The following EPHB6 variants were observed in gnomAD, a reference collection of about 807,000 sequenced individuals.
The protein encoded by EPHB6 is EPH receptor B6.
A neutral mutation model predicts 107.0 loss-of-function variants in EPHB6; 51 were observed. The ratio of observed to expected loss-of-function variants is 0.48; its 90% CI spans 0.38 to 0.60. EPHB6 has a LOEUF of 0.60. Among genes scored for constraint, EPHB6 ranks in the 20% least tolerant of loss-of-function variants. The pLI, the probability that EPHB6 is intolerant of heterozygous loss-of-function variation, is 0.00. For missense variants in EPHB6, 1,141 were observed against 1,355.5 expected (o/e 0.84, Z 2.48); for synonymous variants, 553 against 549.0 (o/e 1.01, Z -0.10).
rs1316857320 is a variant in EPHB6, at chr7:142,864,427, C to T, written c.627C>T (p.Gly209=). Residue 209 remains glycine, a synonymous_variant, in exon 7 of 20, where the codon GGC becomes GGT. Transcript: ENST00000652003. ...ERSFGPLTQR[G]FYVAFQDTGA... Reference sequence around the variant, plus strand: ...GCTTTGGGCCTCTCACCCAACGCGGCTTCTACGTGGCCTTCCAGGACACGG... The same window carrying T: ...GCTTTGGGCCTCTCACCCAACGCGGTTTCTACGTGGCCTTCCAGGACACGG... 1 of 1,612,088 alleles carries T rather than the reference C, an allele frequency of 6.2e-7. No individual in the cohort carries two copies. Among genetic ancestry groups the T allele is most frequent in the Admixed American group, 1.7e-5 (1 of 59,986 alleles).
At position 142,858,688 on chromosome 7, in the gene EPHB6, C is replaced by T. The variant is rs182764720; in HGVS notation, c.-431-2364C>T. Among the ~76,000 whole-genome samples the T allele has an allele frequency of 2.8e-4, 43 of 150,934 alleles. No individual in the cohort carries two copies. In the East Asian group the frequency reaches 7.0e-3, roughly 25 times the overall value. On this transcript the variant is annotated intron_variant, in intron 1 of 19. Transcript: ENST00000652003. Reference sequence around the variant, plus strand: ...GTCTCGATCTCCTGATCTTGTGATCCGCCCACCTTGGCCTCCCAAAGTGAA... The same window carrying T: ...GTCTCGATCTCCTGATCTTGTGATCTGCCCACCTTGGCCTCCCAAAGTGAA...
chr7:142,867,911 A>C lies in EPHB6; in HGVS notation c.1866-86A>C. 6.5e-7 allele frequency: 1 copy of C among 1,535,892 alleles called. No homozygotes were observed. The highest frequency in any genetic ancestry group is 8.8e-7 in the Non-Finnish European group (1 of 1,134,888). ...GCTGTCGTCCCCCCTCCACAGACCG[A>C]CTAAAGAGCAGTCTGGAGGGTGACA... On this transcript the variant is annotated intron_variant, in intron 12 of 19. Transcript: ENST00000652003. This position sits in a 1 kb window ranked among gnomAD's most constrained non-coding sequence, Gnocchi z 5.3.
intron 7 of EPHB6, 56 bp from the exon 8 acceptor site, chr7:142,865,419 C>T (rs2116433902): frequency 6.2e-7 from 1 of 1,608,788 alleles, no homozygotes; most frequent in Non-Finnish European, 8.5e-7. Flanking sequence ...GTGTTGGGAG[C>T]TCAGGGTGGG....
chr7:142,867,593 C>G lies in EPHB6; in HGVS notation c.1751-15C>G. 6.2e-7 allele frequency: 1 copy of G among 1,602,782 alleles called. No individual in the cohort carries two copies. Among genetic ancestry groups the G allele is most frequent in the Admixed American group, 1.7e-5 (1 of 59,084 alleles). On this transcript the variant is annotated splice_polypyrimidine_tract_variant and intron_variant, in intron 11 of 19. Transcript: ENST00000652003. This position sits in a 1 kb window ranked among gnomAD's most constrained non-coding sequence, Gnocchi z 5.3. Reference sequence around the variant, plus strand: ...AGACCTGGCCCACCTGTGACCCTGTCGGCTGGTCCCCCAGGGGAGCTGTCT... The same window carrying G: ...AGACCTGGCCCACCTGTGACCCTGTGGGCTGGTCCCCCAGGGGAGCTGTCT...
At position 142,867,142 on chromosome 7, in the gene EPHB6, C is replaced by T. The variant is rs550073670; in HGVS notation, c.1750+74C>T. ...AGTGAGGAGAGGCCCAGGGACTGTC[C>T]GGCCTTGAACCCTGGCCCCGTGCTT... On this transcript the variant is annotated intron_variant, in intron 11 of 19. Transcript: ENST00000652003. The surrounding 1 kb of genome is among the most constrained non-coding windows in gnomAD (Gnocchi z 5.3). 171 of 1,543,582 alleles carry T rather than the reference C, an allele frequency of 1.1e-4. 1 individual carries two copies. Among genetic ancestry groups the T allele is most frequent in the Non-Finnish European group, 1.4e-4 (156 of 1,144,062 alleles).
In EPHB6 at chr7:142,869,863, A is replaced by G. The variant is rs766835497; in HGVS notation, c.2507A>G (p.His836Arg). 6 of 1,614,116 alleles carry G rather than the reference A, an allele frequency of 3.7e-6. No individual in the cohort carries two copies. The highest frequency in any genetic ancestry group is 2.2e-5 in the East Asian group (1 of 44,892). ...TGGGCAGCCCCAGAGGTCATTGCAC[A>G]TGGAAAGCATACAACATCCAGTGAT... ...LRWAAPEVIAHGKHTTSSDVW... is the reference protein window; with the variant it reads ...LRWAAPEVIARGKHTTSSDVW... The change falls in exon 17 of 20, where the codon CAT (histidine) becomes CGT (arginine). Residue 836 changes from histidine to arginine, a missense_variant. By Grantham distance (29) the His-to-Arg change is conservative. Transcript: ENST00000652003. The surrounding 1 kb of genome is among the most constrained non-coding windows in gnomAD (Gnocchi z 4.5).
chr7:142,865,645 C>T lies in EPHB6; in HGVS notation c.1105+15C>T, dbSNP rs1232741607. On this transcript the variant is annotated intron_variant, in intron 8 of 19. Coordinates refer to ENST00000652003, the MANE Select transcript of EPHB6 (RefSeq NM_004445.6). Reference sequence around the variant, plus strand: ...CCCCTGCACTGGTGAGTTCCTCACCCAGCCCTGCAATGGGAAAGAGACTTG... The same window carrying T: ...CCCCTGCACTGGTGAGTTCCTCACCTAGCCCTGCAATGGGAAAGAGACTTG... The T allele has an allele frequency of 6.2e-7, 1 of 1,612,318 alleles. No individual in the cohort carries two copies. The highest frequency in any genetic ancestry group is 1.1e-5 in the South Asian group (1 of 90,894).
chr7:142,862,350 T>C (rs926637753), intron 3 of EPHB6, among the ~76,000 whole-genome samples: 6 of 152,226 alleles, frequency 3.9e-5, no homozygotes, highest in African/African-American at 1.4e-4. Context: ...TTCCTTTCAA[T>C]GTGAGCAAAC....
At position 142,869,721 on chromosome 7, in the gene EPHB6, T is replaced by C. The variant is rs1794806754; in HGVS notation, c.2461-96T>C. The C allele has an allele frequency of 7.2e-7, 1 of 1,391,678 alleles. No homozygotes were observed. Among genetic ancestry groups the C allele is most frequent in the Non-Finnish European group, 1.0e-6 (1 of 997,014 alleles). 86.2% of individuals were successfully genotyped at this position (1,391,678 alleles called of 1,614,324 possible). On this transcript the variant is annotated intron_variant, in intron 16 of 19. Coordinates refer to ENST00000652003, the MANE Select transcript of EPHB6 (RefSeq NM_004445.6). The surrounding 1 kb of genome is among the most constrained non-coding windows in gnomAD (Gnocchi z 4.5). ...TATGAGGATTAAATGAGATGCTTGA[T>C]GTAAAACCCTTGGCATATCTGAGCA...
rs1314377729 is a variant in EPHB6, at chr7:142,867,975, C to T, written c.1866-22C>T. On this transcript the variant is annotated intron_variant, in intron 12 of 19. Coordinates refer to ENST00000652003, the MANE Select transcript of EPHB6 (RefSeq NM_004445.6). This position sits in a 1 kb window ranked among gnomAD's most constrained non-coding sequence, Gnocchi z 5.3. Reference sequence around the variant, plus strand: ...GGGGTGGAAATGGGAGCGTCATCCCCAGTCACCGTTTTGTTCCTCAGGAAG... The same window carrying T: ...GGGGTGGAAATGGGAGCGTCATCCCTAGTCACCGTTTTGTTCCTCAGGAAG... 6.4e-7 allele frequency: 1 copy of T among 1,562,462 alleles called. No homozygotes were observed. The highest frequency in any genetic ancestry group is 1.2e-5 in the South Asian group (1 of 85,114).
At chr7:142,860,500 G>A (rs1484852089) in intron 1 of EPHB6, among the ~76,000 whole-genome samples, 1 of 152,180 alleles carries the variant, frequency 6.6e-6, no homozygotes, top group Non-Finnish European at 1.5e-5. Context: ...CGGTGCCAAG[G>A]TTACAGAATT....
intron 1 of EPHB6, among the ~76,000 whole-genome samples, 180 bp from the exon 2 acceptor site, chr7:142,860,872 T>G (rs1802810707): frequency 1.3e-5 from 2 of 152,218 alleles, no homozygotes; most frequent in South Asian, 4.1e-4. Flanking sequence ...TCATATTTGT[T>G]GCAATTAAAG....
At position 142,863,202 on chromosome 7, in the gene EPHB6, G is replaced by T. The variant is rs555131697; in HGVS notation, c.-26G>T. The T allele has an allele frequency of 6.2e-7, 1 of 1,608,478 alleles. No homozygotes were observed. Among genetic ancestry groups the T allele is most frequent in the Non-Finnish European group, 8.5e-7 (1 of 1,175,080 alleles). On this transcript the variant is annotated 5_prime_UTR_variant, in exon 5 of 20. Transcript: ENST00000652003. ...CCAGGAGCAGGGTGGTGGCTGGGGC[G>T]ATGGTGGACGCCCTGAAGATGTCCC... is the stretch of plus-strand genomic sequence containing the variant.
At chr7:142,856,012 C>G (rs1337604371) in intron 1 of EPHB6, among the ~76,000 whole-genome samples, 3 of 152,222 alleles carry the variant, frequency 2.0e-5, no homozygotes, top group East Asian at 3.8e-4. Flanking sequence ...GCCCCACACC[C>G]CCACCCACCG....
rs372719883 is a variant in EPHB6, at chr7:142,868,260, C to T, written c.1938C>T (p.Tyr646=). The part of the protein sequence containing the change: ...YSSPGLGVKY[Y]IDPSTYEDPC... ...CTCCAGGACTCGGGGTGAAGTATTA[C>T]ATCGACCCCTCCACCTACGAGGACC... The change falls in exon 14 of 20, where the codon TAC becomes TAT. Residue 646 remains tyrosine (Y), a synonymous_variant. Coordinates refer to ENST00000652003, the MANE Select transcript of EPHB6 (RefSeq NM_004445.6). This position sits in a 1 kb window ranked among gnomAD's most constrained non-coding sequence, Gnocchi z 4.2. The T allele has an allele frequency of 2.5e-5, 40 of 1,614,054 alleles. No homozygotes were observed. Among genetic ancestry groups the T allele is most frequent in the African/African-American group, 8.0e-5 (6 of 74,906 alleles).
At position 142,855,751 on chromosome 7, in the gene EPHB6, C is replaced by T. The variant is rs1192971438; in HGVS notation, c.-432+366C>T. Among the ~76,000 whole-genome samples, 2 of 152,156 alleles carry T rather than the reference C, an allele frequency of 1.3e-5. No individual in the cohort carries two copies. Among genetic ancestry groups the T allele is most frequent in the African/African-American group, 4.8e-5 (2 of 41,436 alleles). On this transcript the variant is annotated intron_variant, in intron 1 of 19. Coordinates refer to ENST00000652003, the MANE Select transcript of EPHB6 (RefSeq NM_004445.6). The surrounding 1 kb of genome is among the most constrained non-coding windows in gnomAD (Gnocchi z 4.2). ...TGGAACAGGATTGCCACCCCTCTGA[C>T]TCCAGTGGCATCACTCCAATCCCCT...
chr7:142,869,232 GGGTA>G lies in EPHB6; in HGVS notation c.2460+90_2460+93del. The G allele has an allele frequency of 6.7e-7, 1 of 1,489,302 alleles. No individual in the cohort carries two copies. The highest frequency in any genetic ancestry group is 2.3e-5 in the East Asian group (1 of 43,880). 92.3% of individuals were successfully genotyped at this position (1,489,302 alleles called of 1,614,324 possible). ...GGGGTCGGGGGTGAGCTGGAATCTG[GGGTA>G]GGTACCTCAGCCGGGGTGTCATAGT... On this transcript the variant is annotated intron_variant, in intron 16 of 19. Coordinates refer to ENST00000652003, the MANE Select transcript of EPHB6 (RefSeq NM_004445.6). This position sits in a 1 kb window ranked among gnomAD's most constrained non-coding sequence, Gnocchi z 4.5.
At position 142,855,298 on chromosome 7, in the gene EPHB6, G is replaced by A. The variant is rs748827419; in HGVS notation, c.-519G>A. 2.0e-5 allele frequency: 3 copies of A among 152,332 alleles called. No individual in the cohort carries two copies. The highest frequency in any genetic ancestry group is 3.4e-3 in the Middle Eastern group (1 of 294). The allele number at this position is 152,332 out of a possible 1,614,324, so 9.4% of individuals were successfully genotyped here. A position where few individuals can be genotyped will look rare whatever the true frequency, so the allele number is the denominator to read the frequency against. On this transcript the variant is annotated 5_prime_UTR_variant, in exon 1 of 20. Transcript: ENST00000652003. The surrounding 1 kb of genome is among the most constrained non-coding windows in gnomAD (Gnocchi z 4.2). ...GGGGTCCCCGGACTGGAGAAGACGC[G>A]GGTGGCACCGTGCGAGCTCCAGGAG...
At chr7:142,863,541 G>T in intron 5 of EPHB6, 90 bp from the exon 6 acceptor site, 1 of 1,483,464 alleles carries the variant, frequency 6.7e-7, no homozygotes. Flanking sequence ...CCCGGGTGGG[G>T]CATTCTTTTG....
Sources: allele counts gnomAD v4.1 joint callset (sites outside exome capture counted in the v4.1 genomes callset), GRCh38; gene constraint gnomAD v4.1.1; non-coding constraint Gnocchi (gnomAD v3.1); transcripts MANE v1.5; gene names NCBI Gene and HGNC (gene_info 2026-07-23, HGNC 2026-07-21).